The following MINPP1 variants were observed in gnomAD, a reference collection of about 807,000 sequenced individuals.
The protein encoded by MINPP1 is multiple inositol polyphosphate phosphatase 1.
Under a neutral mutation model 46.1 loss-of-function variants are expected in MINPP1, and 28 were observed. The ratio of observed to expected loss-of-function variants is 0.61; its 90% CI spans 0.45 to 0.83. The LOEUF is 0.83. Among genes scored for constraint, MINPP1 ranks in the 40% least tolerant of loss-of-function variants. The pLI, the probability that MINPP1 is intolerant of heterozygous loss-of-function variation, is 0.00. For missense variants in MINPP1, 603 were observed against 610.0 expected (o/e 0.99, Z 0.12); for synonymous variants, 268 against 249.1 (o/e 1.08, Z -0.72).
chr10:87,517,163 G>T (rs930117671), intron 3 of MINPP1, among the ~76,000 whole-genome samples: 1 of 152,014 alleles, frequency 6.6e-6, no homozygotes, highest in South Asian at 2.1e-4. Flanking sequence ...AAACTCCCAC[G>T]ACACAAGTTA....
At chr10:87,529,906 T>A (rs1176761414) in intron 4 of MINPP1, among the ~76,000 whole-genome samples, 1 of 152,222 alleles carries the variant, frequency 6.6e-6, no homozygotes, top group African/African-American at 2.4e-5. Flanking sequence ...TTCATTTCTT[T>A]TTGTTCTTTT....
chr10:87,529,059 T>C (rs1851619907), intron 4 of MINPP1, among the ~76,000 whole-genome samples: 1 of 152,208 alleles, frequency 6.6e-6, no homozygotes, highest in South Asian at 2.1e-4. Flanking sequence ...TTCCATTTGC[T>C]TGGTAGATCT....
At chr10:87,520,985 T>C (rs1564675386) in intron 3 of MINPP1, 51 bp from the exon 4 acceptor site, 2 of 744,380 alleles carry the variant, frequency 2.7e-6, no homozygotes, top group Admixed American at 4.7e-5. Flanking sequence ...AATCAGGGAA[T>C]CTTGTTATAT....
chr10:87,547,195 A>G (rs936331552), intron 4 of MINPP1, among the ~76,000 whole-genome samples: 2 of 151,944 alleles, frequency 1.3e-5, no homozygotes, highest in African/African-American at 4.8e-5. Flanking sequence ...CACTGTGACC[A>G]CTGCCCCCTG....
chr10:87,546,916 C>T (rs917630161), intron 4 of MINPP1, among the ~76,000 whole-genome samples: 6 of 151,940 alleles, frequency 3.9e-5, no homozygotes, highest in African/African-American at 1.2e-4. Context: ...GGTGACAGAG[C>T]GAGCTCCTGT....
At chr10:87,543,538 C>T (rs1056155142) in intron 4 of MINPP1, among the ~76,000 whole-genome samples, 1 of 152,014 alleles carries the variant, frequency 6.6e-6, no homozygotes, top group South Asian at 2.1e-4. Flanking sequence ...GCCTGTAGTC[C>T]CAGCTACTCA....
At chr10:87,546,732 G>A (rs1270825807) in intron 4 of MINPP1, 1 of 152,194 alleles carries the variant, frequency 6.6e-6, no homozygotes, top group Non-Finnish European at 1.5e-5. Context: ...TTCAAGACCA[G>A]CTTGGGCAAC....
Position 87,530,262 on chromosome 10 carries a change from G to A in MINPP1, c.1067+9093G>A, listed in dbSNP as rs141650529. Among the ~76,000 whole-genome samples the A allele has an allele frequency of 4.6e-4, 70 of 152,314 alleles. 1 individual carries two copies. The highest frequency in any genetic ancestry group is 1.4e-3 in the South Asian group (7 of 4,828). ...TTTGTTCCATTGCTGGTGAGGATCT[G>A]TGTTTCTTTGGAGGAGAAGAGGTGC... On this transcript the variant is annotated intron_variant, in intron 4 of 4. Coordinates refer to ENST00000371996, the MANE Select transcript of MINPP1 (RefSeq NM_004897.5).
chr10:87,536,555 C>A (rs549251201), intron 4 of MINPP1, among the ~76,000 whole-genome samples: 29 of 152,188 alleles, frequency 1.9e-4, no homozygotes, highest in Non-Finnish European at 3.7e-4. Context: ...GTGACCCTTT[C>A]TAATTCACTT....
intron 4 of MINPP1, among the ~76,000 whole-genome samples, chr10:87,545,095 A>G (rs1479466330): frequency 6.6e-6 from 1 of 152,216 alleles, no homozygotes; most frequent in Non-Finnish European, 1.5e-5. Context: ...TGTATAAAAC[A>G]TGTAGTTGCT....
At chr10:87,518,357 T>C (rs908250624) in intron 3 of MINPP1, among the ~76,000 whole-genome samples, 3 of 152,150 alleles carry the variant, frequency 2.0e-5, no homozygotes, top group South Asian at 2.1e-4. Flanking sequence ...GATTTTATTA[T>C]TTGAATAGAT....
At chr10:87,541,262 C>T (rs565007656) in intron 4 of MINPP1, among the ~76,000 whole-genome samples, 2 of 152,114 alleles carry the variant, frequency 1.3e-5, no homozygotes, top group East Asian at 1.9e-4. Flanking sequence ...TTTATATACC[C>T]GAGTTTGATA....
chr10:87,523,219 A>G lies in MINPP1; in HGVS notation c.1067+2050A>G, dbSNP rs565476477. Among the ~76,000 whole-genome samples the G allele has an allele frequency of 3.5e-4, 53 of 152,292 alleles. 1 individual carries two copies. Among genetic ancestry groups the G allele is most frequent in the African/African-American group, 1.2e-3 (51 of 41,550 alleles). On this transcript the variant is annotated intron_variant, in intron 4 of 4. Transcript: ENST00000371996. ...ATTACAAATATTCTTAATGGCATCT[A>G]GAGTGGTGAAACCTTTCTGGGAGGT... is the stretch of plus-strand genomic sequence containing the variant.
chr10:87,515,903 A>G (rs1263571226), intron 3 of MINPP1, among the ~76,000 whole-genome samples: 3 of 140,348 alleles, frequency 2.1e-5, no homozygotes, highest in Non-Finnish European at 3.0e-5. Flanking sequence ...ATCTCAGCTC[A>G]CTGCAACCTC....
chr10:87,530,032 C>T (rs1036440006), intron 4 of MINPP1, among the ~76,000 whole-genome samples: 2 of 152,148 alleles, frequency 1.3e-5, no homozygotes, highest in Non-Finnish European at 2.9e-5. Flanking sequence ...ACTTAGTTCT[C>T]GTGCCATGGT....
In MINPP1 at chr10:87,532,329, A is replaced by C. The variant is rs371989122; in HGVS notation, c.1067+11160A>C. Reference sequence around the variant, plus strand: ...TATGTCAGGCAGTGATGACTGAGGCAAAGTCATTGCACTGTGGCTCTTACA... The same window carrying C: ...TATGTCAGGCAGTGATGACTGAGGCCAAGTCATTGCACTGTGGCTCTTACA... On this transcript the variant is annotated intron_variant, in intron 4 of 4. Coordinates refer to ENST00000371996, the MANE Select transcript of MINPP1 (RefSeq NM_004897.5). Among the ~76,000 whole-genome samples, 19 of 152,364 alleles carry C rather than the reference A, an allele frequency of 1.2e-4. No homozygotes were observed. The East Asian group carries it at 2.5e-3, about 20-fold the overall frequency.
In MINPP1 at chr10:87,521,081, T is replaced by G; in HGVS notation, c.979T>G (p.Tyr327Asp). ...NDLKQYWKRGYGYTINSRSSC... is the reference protein window; with the variant it reads ...NDLKQYWKRGDGYTINSRSSC... ...TCTGAAACAATATTGGAAAAGAGGA[T>G]ATGGGTATACTATTAACAGTCGATC... Residue 327 changes from tyrosine to aspartate, a missense_variant, in exon 4 of 5, where the codon TAT becomes GAT. Around this residue, in one of 3 missense-constraint regions of MINPP1, gnomAD observed 344 missense variants for 381.1 expected, o/e 0.90. Transcript: ENST00000371996. The G allele has an allele frequency of 7.2e-7, 1 of 1,386,670 alleles. No homozygotes were observed. Among genetic ancestry groups the G allele is most frequent in the Non-Finnish European group, 1.0e-6 (1 of 974,340 alleles). The allele number at this position is 1,386,670 out of a possible 1,614,324, so 85.9% of individuals were successfully genotyped here.
chr10:87,546,652 T>C (rs2131842600), intron 4 of MINPP1: 1 of 152,344 alleles, frequency 6.6e-6, no homozygotes, highest in Non-Finnish European at 1.5e-5. Flanking sequence ...ATCAGCTAGG[T>C]GTGGTGGTTC....
At chr10:87,535,638 A>T (rs1029164418) in intron 4 of MINPP1, among the ~76,000 whole-genome samples, 1 of 152,052 alleles carries the variant, frequency 6.6e-6, no homozygotes, top group East Asian at 1.9e-4. Context: ...TGATTTAAAA[A>T]TTTTCCTGGC....
Sources: allele counts gnomAD v4.1 joint callset (sites outside exome capture counted in the v4.1 genomes callset), GRCh38; gene constraint gnomAD v4.1.1; regional missense constraint gnomAD v4.1.1; transcripts MANE v1.5; gene names NCBI Gene and HGNC (gene_info 2026-07-23, HGNC 2026-07-21).